PKHD1L1: variants seen among roughly 807,000 people sequenced by gnomAD.
The protein encoded by PKHD1L1 is PKHD1 like 1, also known as fibrocystin-L.
In PKHD1L1, 434 loss-of-function variants were observed where a neutral mutation model predicts 462.9. The ratio of observed to expected loss-of-function variants is 0.94; its 90% CI spans 0.87 to 1.02. The LOEUF (loss-of-function observed/expected upper bound fraction) is 1.02. PKHD1L1 is among the 50% of genes least tolerant of loss of function. The pLI, the probability that PKHD1L1 is intolerant of heterozygous loss-of-function variation, is 0.00. For missense variants in PKHD1L1, 5,202 were observed against 5,096.1 expected (o/e 1.02, Z -0.63); for synonymous variants, 1,781 against 1,750.0 (o/e 1.02, Z -0.44).
intron 2 of PKHD1L1, among the ~76,000 whole-genome samples, chr8:109,374,493 A>C (rs202033718): frequency 2.0e-5 from 3 of 152,124 alleles, no homozygotes; most frequent in Non-Finnish European, 2.9e-5. Context: ...GCATTTAGCC[A>C]ATTTACATTT....
intron 16 of PKHD1L1, among the ~76,000 whole-genome samples, chr8:109,405,479 T>G (rs1420775835): frequency 1.3e-5 from 2 of 151,964 alleles, no homozygotes; most frequent in Non-Finnish European, 2.9e-5. Flanking sequence ...ATAAAGAAAA[T>G]GTGGTACACC....
intron 8 of PKHD1L1, among the ~76,000 whole-genome samples, chr8:109,389,499 A>AGT (rs55680302): frequency 0.031 from 4,374 of 140,758 alleles, 76 homozygotes; most frequent in Middle Eastern, 0.076. Flanking sequence ...ATCTTTTAAG[A>AGT]GTGTGTGTGT....
At position 109,382,509 on chromosome 8, in the gene PKHD1L1, G is replaced by T. The variant is rs780102395; in HGVS notation, c.355G>T (p.Val119Phe). The change falls in exon 4 of 78, where the codon GTT becomes TTT. Residue 119 changes from valine to phenylalanine, a missense_variant. Val to Phe is a conservative substitution (Grantham distance 50). This residue lies in a region of PKHD1L1 where 4,497 missense variants were observed against 4,336.8 expected (regional missense o/e 1.04). Coordinates refer to ENST00000378402, the MANE Select transcript of PKHD1L1 (RefSeq NM_177531.6). ...CACTGTTAGAGTCAGTGTGGACGGGGTTCCTGTTACGGAAAATAACACCTG... is the reference window on the plus strand; with the variant it reads ...CACTGTTAGAGTCAGTGTGGACGGGTTTCCTGTTACGGAAAATAACACCTG... ...SYTVRVSVDG[V>F]PVTENNTCKG... The T allele has an allele frequency of 1.2e-6, 2 of 1,612,508 alleles. No homozygotes were observed. The highest frequency in any genetic ancestry group is 2.7e-5 in the African/African-American group (2 of 74,922).
At chr8:109,442,806 G>C (rs1815878143) in intron 35 of PKHD1L1, 140 bp from the exon 36 acceptor site, 2 of 758,190 alleles carry the variant, frequency 2.6e-6, no homozygotes, top group South Asian at 4.4e-5. Context: ...ACTACATTCT[G>C]TTGACATTTC....
intron 38 of PKHD1L1, 36 bp from the exon 39 acceptor site, chr8:109,448,107 G>A: frequency 2.0e-6 from 3 of 1,518,850 alleles, no homozygotes; most frequent in Non-Finnish European, 2.7e-6. Context: ...TTAATAGTTA[G>A]ATATATTTAT....
chr8:109,443,686 G>T lies in PKHD1L1; in HGVS notation c.4575G>T (p.Glu1525Asp). The change falls in exon 37 of 78, where the codon GAG (glutamate) becomes GAT (aspartate). Residue 1525 changes from glutamate (E) to aspartate (D), a missense_variant. Coordinates refer to ENST00000378402, the MANE Select transcript of PKHD1L1 (RefSeq NM_177531.6). ...TTCTTTTGTCTAAAGGAGGACCTGA[G>T]AATTTGCACTTGGGAAGCTCTGTGG... ...SEATYAYGGP[E>D]NLHLGSSVAG... 1 of 1,611,568 alleles carries T rather than the reference G, an allele frequency of 6.2e-7. No individual in the cohort carries two copies. Among genetic ancestry groups the T allele is most frequent in the South Asian group, 1.1e-5 (1 of 90,654 alleles).
intron 25 of PKHD1L1, among the ~76,000 whole-genome samples, chr8:109,428,626 C>T (rs773950852): frequency 3.9e-5 from 6 of 152,162 alleles, no homozygotes; most frequent in Non-Finnish European, 8.8e-5. Flanking sequence ...TAGTGACTGA[C>T]CTCCCTTGGT....
Position 109,464,286 on chromosome 8 carries a change from A to T in PKHD1L1, c.7454A>T (p.Gln2485Leu). ...PIHWHLLGDL[Q>L]FKSYVRGCAI... The stretch of plus-strand genomic sequence containing the variant: ...CATTGGCACCTGCTTGGAGACTTAC[A>T]GTTTAAATCTTATGTAAGAGGCTGT... The change falls in exon 49 of 78, where the codon CAG (glutamine) becomes CTG (leucine). Residue 2485 changes from glutamine (Q) to leucine (L), a missense_variant. Physicochemically the swap from Gln to Leu is moderately radical, Grantham distance 113. Around this residue, in one of 3 missense-constraint regions of PKHD1L1, gnomAD observed 4,497 missense variants for 4,336.8 expected, o/e 1.04. Transcript: ENST00000378402. The T allele has an allele frequency of 6.2e-7, 1 of 1,612,820 alleles. No homozygotes were observed. Among genetic ancestry groups the T allele is most frequent in the Non-Finnish European group, 8.5e-7 (1 of 1,179,252 alleles).
At chr8:109,486,539 G>A in intron 58 of PKHD1L1, 109 bp from the exon 59 acceptor site, 1 of 922,320 alleles carries the variant, frequency 1.1e-6, no homozygotes, top group Non-Finnish European at 1.6e-6. Flanking sequence ...ATGCATTCAT[G>A]TTCATTTTTG....
At chr8:109,528,833 C>A (rs893544622) in intron 77 of PKHD1L1, among the ~76,000 whole-genome samples, 9 of 152,124 alleles carry the variant, frequency 5.9e-5, no homozygotes, top group Middle Eastern at 3.2e-3. Context: ...GATTTTAAAT[C>A]TTGAAAGTGA....
intron 19 of PKHD1L1, among the ~76,000 whole-genome samples, chr8:109,411,016 C>T (rs929589075): frequency 7.2e-5 from 11 of 151,866 alleles, no homozygotes; most frequent in East Asian, 5.8e-4. Flanking sequence ...CTTGAGCCAC[C>T]GCACCCGGCC....
At chr8:109,477,422 C>G (rs1367004835) in intron 53 of PKHD1L1, 26 bp downstream of exon 53, 4 of 1,569,728 alleles carry the variant, frequency 2.5e-6, no homozygotes, top group Non-Finnish European at 3.5e-6. Context: ...GTAGTTGATA[C>G]CCTTCAATAT....
In PKHD1L1 at chr8:109,381,401, AGTT is replaced by A. The variant is rs1812104856; in HGVS notation, c.197_199del (p.Val66del). On this transcript the variant is annotated inframe_deletion, in exon 3 of 78. Transcript: ENST00000378402. ...CTCAAGCAAACCAGTTTAACTATGG[AGTT>A]GATAACGCTGAGTTGGGAAACAGTG... 6.3e-7 allele frequency: 1 copy of A among 1,580,062 alleles called. No individual in the cohort carries two copies. The highest frequency in any genetic ancestry group is 1.3e-5 in the African/African-American group (1 of 74,280).
At chr8:109,382,916 T>TC (rs1214177807) in intron 4 of PKHD1L1, among the ~76,000 whole-genome samples, 1 of 149,678 alleles carries the variant, frequency 6.7e-6, no homozygotes, top group Non-Finnish European at 1.5e-5. Context: ...CTACGTAATT[T>TC]CTAACGTAAT....
chr8:109,478,058 CT>C (rs1470727725), intron 53 of PKHD1L1, among the ~76,000 whole-genome samples: 1 of 151,970 alleles, frequency 6.6e-6, no homozygotes, highest in Non-Finnish European at 1.5e-5. Context: ...ATTTGCATCC[CT>C]TATGGACAAT....
chr8:109,482,959 T>A (rs749360766), intron 56 of PKHD1L1, 28 bp from the exon 57 acceptor site: 1 of 1,446,502 alleles, frequency 6.9e-7, no homozygotes, highest in South Asian at 1.3e-5. Context: ...GTGGGGTGAA[T>A]AAGTAGGAGT....
intron 2 of PKHD1L1, among the ~76,000 whole-genome samples, chr8:109,367,319 A>G (rs1480121073): frequency 6.6e-6 from 1 of 152,258 alleles, no homozygotes; most frequent in Non-Finnish European, 1.5e-5. Flanking sequence ...TATCAATTAC[A>G]CAAGAACTAC....
chr8:109,504,418 A>G lies in PKHD1L1; in HGVS notation c.10920A>G (p.Pro3640=). 2 of 1,565,828 alleles carry G rather than the reference A, an allele frequency of 1.3e-6. No individual in the cohort carries two copies. Among genetic ancestry groups the G allele is most frequent in the South Asian group, 1.2e-5 (1 of 86,144 alleles). Residue 3640 remains proline, a synonymous_variant, in exon 68 of 78, where the codon CCA becomes CCG. Coordinates refer to ENST00000378402, the MANE Select transcript of PKHD1L1 (RefSeq NM_177531.6). ...CTTTAAATGAGGATTTACAGCATCCAATCCATGTGAAGAATATAAAACTGG... is the reference window on the plus strand; with the variant it reads ...CTTTAAATGAGGATTTACAGCATCCGATCCATGTGAAGAATATAAAACTGG... ...TNPLNEDLQH[P]IHVKNIKLVD...
Position 109,413,481 on chromosome 8 carries a change from G to A in PKHD1L1, c.2296G>A (p.Asp766Asn). 6.3e-7 allele frequency: 1 copy of A among 1,580,802 alleles called. No individual in the cohort carries two copies. Among genetic ancestry groups the A allele is most frequent in the Non-Finnish European group, 8.6e-7 (1 of 1,162,016 alleles). Residue 766 changes from aspartate (D) to asparagine (N), a missense_variant, in exon 21 of 78, where the codon GAC becomes AAC. Around this residue, in one of 3 missense-constraint regions of PKHD1L1, gnomAD observed 4,497 missense variants for 4,336.8 expected, o/e 1.04. Transcript: ENST00000378402. ...TATTGGTCTAAAATTTCAGTACCAAGACAATAGCAAGATTACTAGAAGCAC... is the reference window on the plus strand; with the variant it reads ...TATTGGTCTAAAATTTCAGTACCAAAACAATAGCAAGATTACTAGAAGCAC... Reference protein sequence around the residue: ...NYIGLKFQYQDNSKITRSTDT... With the variant: ...NYIGLKFQYQNNSKITRSTDT...
Sources: gnomAD v4.1 joint callset for allele counts (sites outside exome capture counted in the v4.1 genomes callset) on GRCh38, gnomAD v4.1.1 for gene constraint, gnomAD v4.1.1 regional missense constraint, MANE v1.5 for transcripts, NCBI Gene and HGNC (gene_info 2026-07-23, HGNC 2026-07-21) for gene names.